NRG4: variants seen among roughly 807,000 people sequenced by gnomAD.
NRG4 encodes pro-neuregulin-4, membrane-bound isoform.
A neutral mutation model predicts 15.0 loss-of-function variants in NRG4; 10 were observed. That is an observed-to-expected ratio of 0.67 (90% CI 0.41 to 1.13). The LOEUF is 1.13. Among genes scored for constraint, NRG4 ranks in the 50% most tolerant of loss-of-function variants. NRG4 has a pLI of 0.00. For synonymous variants in NRG4, 41 were observed against 50.1 expected (o/e 0.82, Z 0.77); for missense variants, 139 against 140.2 (o/e 0.99, Z 0.04).
At chr15:76,046,070 CA>C (rs2035861776) in intron 4 of NRG4, among the ~76,000 whole-genome samples, 3 of 150,464 alleles carry the variant, frequency 2.0e-5, no homozygotes, top group Non-Finnish European at 4.4e-5. Flanking sequence ...TATGTTCCCA[CA>C]AAAATTAAAA....
intron 3 of NRG4, among the ~76,000 whole-genome samples, chr15:75,984,719 T>C (rs1384367994): frequency 6.6e-6 from 1 of 152,174 alleles, no homozygotes; most frequent in African/African-American, 2.4e-5. Context: ...CAAACCACCA[T>C]GGCACGTGTA....
chr15:75,972,494 T>C (rs370163771), intron 3 of NRG4, among the ~76,000 whole-genome samples: 1 of 152,354 alleles, frequency 6.6e-6, no homozygotes, highest in East Asian at 1.9e-4. Flanking sequence ...AGGGTTTTTA[T>C]GGTTTTAGGT....
intron 5 of NRG4, among the ~76,000 whole-genome samples, chr15:76,023,512 T>A (rs1431150528): frequency 6.6e-6 from 1 of 152,174 alleles, no homozygotes; most frequent in African/African-American, 2.4e-5. Flanking sequence ...AAGTCCAGTT[T>A]GGAGAGCTGC....
chr15:76,005,476 A>G (rs2034567389), intron 3 of NRG4, among the ~76,000 whole-genome samples: 1 of 151,130 alleles, frequency 6.6e-6, no homozygotes, highest in African/African-American at 2.4e-5. Flanking sequence ...ACCTGAGGTC[A>G]GGAGTTCAAG....
chr15:75,992,446 C>G (rs2034052603), intron 3 of NRG4, among the ~76,000 whole-genome samples: 1 of 152,008 alleles, frequency 6.6e-6, no homozygotes. Flanking sequence ...CTGAAAATGT[C>G]TTTATATTGC....
rs1168443199 is a variant in NRG4, at chr15:76,027,944, T to G, written c.-57+8000A>C. 2.7e-5 allele frequency among the ~76,000 whole-genome samples: 4 copies of G among 150,380 alleles called. No individual in the cohort carries two copies. In the East Asian group the frequency reaches 7.9e-4, roughly 30 times the overall value. On this transcript the variant is annotated intron_variant, in intron 5 of 8. Transcript: ENST00000563910. ...ACGACCAGTGGATTAAAAAAGAAAA[T>G]AAGGAAATCAGAAAGTCCCATGAGA...
At chr15:75,966,253 T>G (rs2032788815) in intron 3 of NRG4, among the ~76,000 whole-genome samples, 1 of 152,216 alleles carries the variant, frequency 6.6e-6, no homozygotes, top group East Asian at 1.9e-4. Flanking sequence ...TTTTTAGTCA[T>G]GTAAACAAAC....
At chr15:75,968,307 G>C (rs1413703405) in intron 3 of NRG4, among the ~76,000 whole-genome samples, 1 of 152,178 alleles carries the variant, frequency 6.6e-6, no homozygotes, top group African/African-American at 2.4e-5. Flanking sequence ...AAAGTCTAAG[G>C]CTGGGTGTGG....
Position 75,955,925 on chromosome 15 carries a change from T to C in NRG4, c.331+7A>G. ...TTAAAATAAGCATTTGTTTTGAGTT[T>C]ACTCACTGTGGTGGGCACTGGTACT... On this transcript the variant is annotated splice_region_variant and intron_variant, in intron 5 of 5. Transcript: ENST00000394907. 2 of 1,520,718 alleles carry C rather than the reference T, an allele frequency of 1.3e-6. No homozygotes were observed. Among genetic ancestry groups the C allele is most frequent in the Non-Finnish European group, 1.8e-6 (2 of 1,094,696 alleles). The allele number at this position is 1,520,718 out of a possible 1,614,324, so 94.2% of individuals were successfully genotyped here.
At chr15:76,000,821 T>G (rs2141890553) in intron 3 of NRG4, among the ~76,000 whole-genome samples, 1 of 152,230 alleles carries the variant, frequency 6.6e-6, no homozygotes, top group South Asian at 2.1e-4. Flanking sequence ...TGATGGTATA[T>G]TCACACAAAC....
At chr15:76,026,361 C>T (rs1460023585) in intron 5 of NRG4, among the ~76,000 whole-genome samples, 1 of 152,136 alleles carries the variant, frequency 6.6e-6, no homozygotes, top group Non-Finnish European at 1.5e-5. Flanking sequence ...AGAAACCTTA[C>T]AGGCCAGGAG....
At chr15:75,966,679 C>T (rs74522842) in intron 3 of NRG4, among the ~76,000 whole-genome samples, 11 of 152,154 alleles carry the variant, frequency 7.2e-5, no homozygotes, top group African/African-American at 2.4e-4. Context: ...AAGAGAAAGT[C>T]TAATACTGGC....
intron 5 of NRG4, among the ~76,000 whole-genome samples, chr15:76,034,547 T>C (rs959355843): frequency 6.6e-6 from 1 of 151,956 alleles, no homozygotes; most frequent in Non-Finnish European, 1.5e-5. Context: ...GTGGTGGATA[T>C]GACAATTGCT....
intron 5 of NRG4, among the ~76,000 whole-genome samples, chr15:76,027,954 A>G (rs539333324): frequency 6.6e-6 from 1 of 152,328 alleles, no homozygotes; most frequent in Non-Finnish European, 1.5e-5. Flanking sequence ...TAAGGAAATC[A>G]GAAAGTCCCA....
At chr15:75,988,714 A>G (rs991526857) in intron 3 of NRG4, among the ~76,000 whole-genome samples, 13 of 152,184 alleles carry the variant, frequency 8.5e-5, no homozygotes, top group Non-Finnish European at 1.3e-4. Context: ...GCTGATCTGA[A>G]TCAACATGGA....
intron 3 of NRG4, among the ~76,000 whole-genome samples, chr15:76,003,978 A>G (rs2141896361): frequency 6.6e-6 from 1 of 152,352 alleles, no homozygotes; most frequent in African/African-American, 2.4e-5. Flanking sequence ...AAATAAATAC[A>G]TGAACAATTT....
At chr15:75,943,979 G>C (rs2031269964) in intron 5 of NRG4, among the ~76,000 whole-genome samples, 2 of 151,718 alleles carry the variant, frequency 1.3e-5, no homozygotes, top group Admixed American at 1.3e-4. Context: ...ACCTGTCTTA[G>C]ATATACAAGT....
intron 3 of NRG4, among the ~76,000 whole-genome samples, chr15:75,967,651 G>A (rs897631094): frequency 4.6e-5 from 7 of 151,722 alleles, no homozygotes; most frequent in Admixed American, 4.6e-4. Context: ...TAGTAGAGAC[G>A]GGGTTTCACC....
intron 2 of NRG4, among the ~76,000 whole-genome samples, chr15:76,009,647 C>T (rs2034736362): frequency 1.3e-5 from 2 of 152,158 alleles, no homozygotes; most frequent in African/African-American, 4.8e-5. Flanking sequence ...TATTACCTAG[C>T]ATTTCCCTGT....
Sources: gnomAD v4.1 joint callset for allele counts (sites outside exome capture counted in the v4.1 genomes callset) on GRCh38, gnomAD v4.1.1 for gene constraint, MANE v1.5 for transcripts, NCBI Gene and HGNC (gene_info 2026-07-23, HGNC 2026-07-21) for gene names.